Variants in MED13 observed in about 807,000 individuals in gnomAD.
MED13 encodes the protein mediator of RNA polymerase II transcription subunit 13.
A neutral mutation model predicts 225.2 loss-of-function variants in MED13; 23 were observed. The observed-to-expected ratio is 0.10, with a 90% CI of 0.07 to 0.14. The LOEUF is 0.14. Ranked by LOEUF, MED13 falls within the 10% of genes least tolerant of loss-of-function variation. The pLI is 1.00. For synonymous variants in MED13, 942 were observed against 889.2 expected (o/e 1.06, Z -1.06); for missense variants, 2,197 against 2,594.5 (o/e 0.85, Z 3.33).
intron 8 of MED13, among the ~76,000 whole-genome samples, chr17:62,020,879 T>G (rs1478073607): frequency 1.3e-5 from 2 of 151,252 alleles, no homozygotes; most frequent in African/African-American, 4.9e-5. Context: ...GATTAGGGAG[T>G]GGTGATGACT....
Position 61,945,800 on chromosome 17 carries a change from G to A in MED13, c.*668C>T, listed in dbSNP as rs182493512. The A allele has an allele frequency of 1.4e-3, 208 of 152,262 alleles. 1 individual carries two copies. Among genetic ancestry groups the A allele is most frequent in the Middle Eastern group, 3.4e-3 (1 of 294 alleles). The allele number at this position is 152,262 out of a possible 1,614,324, so 9.4% of individuals were successfully genotyped here. A position where few individuals can be genotyped will look rare whatever the true frequency, so the allele number is the denominator to read the frequency against. ...TGGACATTATTCCCCCTCTATCCCC[G>A]TTAAACTGTACATCGAGACAATACA... On this transcript the variant is annotated 3_prime_UTR_variant, in exon 30 of 30. Transcript: ENST00000397786.
At chr17:62,031,882 G>GA (rs1320164831) in intron 5 of MED13, among the ~76,000 whole-genome samples, 1 of 151,418 alleles carries the variant, frequency 6.6e-6, no homozygotes, top group Non-Finnish European at 1.5e-5. Context: ...GAGAGATTTG[G>GA]AAAAAGGCAG....
chr17:61,946,984 A>C lies in MED13; in HGVS notation c.6325T>G (p.Ser2109Ala). The change falls in exon 29 of 30, where the codon TCT becomes GCT. Residue 2109 changes from serine (S) to alanine (A), a missense_variant. Coordinates refer to ENST00000397786, the MANE Select transcript of MED13 (RefSeq NM_005121.3). ...TGTTTACTGTGAAGCAGCTCGTCAG[A>C]TTGCACTGAAGGCACGTGGAGGTGC... ...SLHLHVPSVQ[S>A]DELLHSKHSH... is the part of the protein sequence containing the mutation. 1 of 1,614,160 alleles carries C rather than the reference A, an allele frequency of 6.2e-7. No individual in the cohort carries two copies. Among genetic ancestry groups the C allele is most frequent in the Non-Finnish European group, 8.5e-7 (1 of 1,180,008 alleles).
intron 2 of MED13, among the ~76,000 whole-genome samples, chr17:62,062,578 AACACAC>A (rs577585046): frequency 7.4e-6 from 1 of 134,556 alleles, no homozygotes; most frequent in Non-Finnish European, 1.6e-5. Context: ...CATGCCTTAA[AACACAC>A]ACACACACAC....
At chr17:62,038,447 T>C (rs2080825033) in intron 3 of MED13, among the ~76,000 whole-genome samples, 1 of 152,116 alleles carries the variant, frequency 6.6e-6, no homozygotes, top group Non-Finnish European at 1.5e-5. Flanking sequence ...TTAAAAATTA[T>C]TTTAAAAACA....
At chr17:62,035,291 T>A (rs1391869135) in intron 4 of MED13, among the ~76,000 whole-genome samples, 172 bp downstream of exon 4, 1 of 152,138 alleles carries the variant, frequency 6.6e-6, no homozygotes, top group Non-Finnish European at 1.5e-5. Flanking sequence ...TATTTAAAAA[T>A]TTATTTCACT....
Position 61,953,121 on chromosome 17 carries a change from G to A in MED13, c.5969-8C>T, listed in dbSNP as rs777937111. 5 of 1,603,930 alleles carry A rather than the reference G, an allele frequency of 3.1e-6. No individual in the cohort carries two copies. In the Admixed American group the frequency reaches 7.0e-5, roughly 22 times the overall value. Reference sequence around the variant, plus strand: ...CCATTCCATCTGCTCCATCTAAACAGGAGAAAGAAAAGAAATTTAAAACTC... The same window carrying A: ...CCATTCCATCTGCTCCATCTAAACAAGAGAAAGAAAAGAAATTTAAAACTC... On this transcript the variant is annotated splice_region_variant and splice_polypyrimidine_tract_variant and intron_variant, in intron 26 of 29. Transcript: ENST00000397786.
In MED13 at chr17:62,011,202, G is replaced by C; in HGVS notation, c.1315C>G (p.Gln439Glu). The change falls in exon 9 of 30, where the codon CAA (glutamine) becomes GAA (glutamate). Residue 439 changes from glutamine (Q) to glutamate (E), a missense_variant. Gln to Glu is a conservative substitution (Grantham distance 29). This residue lies in a region of MED13 where 884 missense variants were observed against 918.5 expected (regional missense o/e 0.96). Transcript: ENST00000397786. ...CCTAAAGATGGTGCCTGTCCTTGTT[G>C]TCCAGCATTTCTTGACTTGAGATTT... is the stretch of plus-strand genomic sequence containing the variant. The part of the protein sequence containing the change: ...HKNLKSRNAG[Q>E]QGQAPSLGQQ... 2 of 1,609,042 alleles carry C rather than the reference G, an allele frequency of 1.2e-6. No individual in the cohort carries two copies. Among genetic ancestry groups the C allele is most frequent in the Non-Finnish European group, 1.7e-6 (2 of 1,178,108 alleles).
intron 11 of MED13, among the ~76,000 whole-genome samples, chr17:61,990,831 G>A (rs1319089476): frequency 6.6e-6 from 1 of 152,004 alleles, no homozygotes; most frequent in Non-Finnish European, 1.5e-5. Context: ...CTTGACCACT[G>A]TGTCCCCAAT....
rs566267530 is a variant in MED13 at position 62,022,244 on chromosome 17, A to C, written c.1283+7297T>G. 2.1e-3 allele frequency among the ~76,000 whole-genome samples: 314 copies of C among 151,688 alleles called. 1 individual carries two copies. The highest frequency in any genetic ancestry group is 3.5e-3 in the Admixed American group (54 of 15,220). On this transcript the variant is annotated intron_variant, in intron 8 of 29. Transcript: ENST00000397786. Reference sequence around the variant, plus strand: ...TCACTTCCAAGAGAATGCAGACTTCATAATAGCAGGAGCTTTGTTAGCTAG... The same window carrying C: ...TCACTTCCAAGAGAATGCAGACTTCCTAATAGCAGGAGCTTTGTTAGCTAG...
chr17:62,021,431 C>T lies in MED13; in HGVS notation c.1283+8110G>A, dbSNP rs1202956565. 6.9e-5 allele frequency among the ~76,000 whole-genome samples: 10 copies of T among 144,680 alleles called. 1 individual carries two copies. In the East Asian group the frequency reaches 1.9e-3, roughly 28 times the overall value. The allele number at this position is 144,680 out of a possible 152,430, so 94.9% of individuals were successfully genotyped here. A position where few individuals can be genotyped will look rare whatever the true frequency, so the allele number is the denominator to read the frequency against. Reference sequence around the variant, plus strand: ...CCGGGCAGGGGGCTGACCCCCCCACCTCCCTCCCGGACGGGGCGGCTGGCC... The same window carrying T: ...CCGGGCAGGGGGCTGACCCCCCCACTTCCCTCCCGGACGGGGCGGCTGGCC... On this transcript the variant is annotated intron_variant, in intron 8 of 29. Transcript: ENST00000397786.
chr17:62,062,800 T>C (rs1044575316), intron 2 of MED13, among the ~76,000 whole-genome samples: 3 of 152,188 alleles, frequency 2.0e-5, no homozygotes, highest in Non-Finnish European at 4.4e-5. Context: ...GTAACATGCC[T>C]TCTTCGGGCC....
At chr17:62,060,686 C>A (rs1351170283) in intron 2 of MED13, among the ~76,000 whole-genome samples, 32 of 148,178 alleles carry the variant, frequency 2.2e-4, no homozygotes, top group Non-Finnish European at 3.7e-4. Context: ...TATTTTCATT[C>A]ACGTTCAAGA....
intron 28 of MED13, among the ~76,000 whole-genome samples, chr17:61,949,087 C>CA (rs879385487): frequency 3.7e-3 from 411 of 111,366 alleles, no homozygotes; most frequent in African/African-American, 8.1e-3. Flanking sequence ...GACTCCGTCT[C>CA]AAAAAAAAAA....
intron 8 of MED13, among the ~76,000 whole-genome samples, chr17:62,020,560 T>C (rs546513466): frequency 8.4e-4 from 128 of 152,042 alleles, no homozygotes; most frequent in African/African-American, 2.9e-3. Context: ...TTTGTACTTT[T>C]AGTAGAGATG....
intron 1 of MED13, among the ~76,000 whole-genome samples, chr17:62,064,165 A>G (rs548415860): frequency 3.8e-4 from 58 of 152,380 alleles, no homozygotes; most frequent in African/African-American, 1.4e-3. Flanking sequence ...TACCTATCAT[A>G]TACTCTTAAT....
chr17:62,064,810 TAAG>T (rs781399034), intron 1 of MED13, among the ~76,000 whole-genome samples: 1 of 151,940 alleles, frequency 6.6e-6, no homozygotes, highest in Non-Finnish European at 1.5e-5. Flanking sequence ...ACAGGGCCAA[TAAG>T]GAGAAAAGCA....
rs564567232 is a variant in MED13 at position 62,044,354 on chromosome 17, T to C, written c.470+8183A>G. On this transcript the variant is annotated intron_variant, in intron 3 of 29. Coordinates refer to ENST00000397786, the MANE Select transcript of MED13 (RefSeq NM_005121.3). ...AAATAACTTTCTGCAATGATGAAAA[T>C]GTTCTACATCTACACTGCCCAATAC... 3.3e-5 allele frequency among the ~76,000 whole-genome samples: 5 copies of C among 152,078 alleles called. No individual in the cohort carries two copies. The South Asian group carries it at 6.2e-4, about 19-fold the overall frequency.
At chr17:62,034,955 TA>T (rs977838693) in intron 4 of MED13, among the ~76,000 whole-genome samples, 1 of 151,304 alleles carries the variant, frequency 6.6e-6, no homozygotes, top group Non-Finnish European at 1.5e-5. Flanking sequence ...CCAGTTCTAC[TA>T]AAAAAAATAC....
Sources: gnomAD v4.1 joint callset for allele counts (sites outside exome capture counted in the v4.1 genomes callset) on GRCh38, gnomAD v4.1.1 for gene constraint, gnomAD v4.1.1 regional missense constraint, MANE v1.5 for transcripts, NCBI Gene and HGNC (gene_info 2026-07-23, HGNC 2026-07-21) for gene names.